NEK5: variants seen among roughly 807,000 people sequenced by gnomAD.
NEK5 encodes the protein NIMA related kinase 5, also known as serine/threonine-protein kinase Nek5.
In NEK5, 88 loss-of-function variants were observed where a neutral mutation model predicts 109.2. That is an observed-to-expected ratio of 0.81 (90% CI 0.68 to 0.96). The LOEUF (loss-of-function observed/expected upper bound fraction) is 0.96, where lower values mean the gene tolerates loss of function less well. Among genes scored for constraint, NEK5 ranks in the 40% least tolerant of loss-of-function variants. NEK5 has a pLI of 0.00. For missense variants in NEK5, 834 were observed against 920.7 expected (o/e 0.91, Z 1.22); for synonymous variants, 283 against 299.9 (o/e 0.94, Z 0.58).
At chr13:52,055,898 G>A (rs374981949) in intron 22 of NEK5, among the ~76,000 whole-genome samples, 10 of 150,938 alleles carry the variant, frequency 6.6e-5, no homozygotes, top group African/African-American at 1.5e-4. Context: ...ACTAACGAGC[G>A]AAATAACCAG....
chr13:52,043,229 A>T (rs927120560), intron 23 of NEK5, among the ~76,000 whole-genome samples: 6 of 151,988 alleles, frequency 3.9e-5, no homozygotes, highest in African/African-American at 1.4e-4. Flanking sequence ...AGGACACTTT[A>T]AAAAAAATCA....
intron 12 of NEK5, among the ~76,000 whole-genome samples, chr13:52,097,482 G>T (rs1955440868): frequency 6.6e-6 from 1 of 152,194 alleles, no homozygotes; most frequent in Admixed American, 6.5e-5. Flanking sequence ...GAGACATGGG[G>T]TCAAAGGAAT....
At chr13:52,079,659 C>T (rs1473747282) in intron 17 of NEK5, among the ~76,000 whole-genome samples, 1 of 152,290 alleles carries the variant, frequency 6.6e-6, no homozygotes, top group African/African-American at 2.4e-5. Flanking sequence ...ACAACCTCCA[C>T]CTCCCACCCG....
chr13:52,052,624 T>C (rs1053763330), intron 22 of NEK5, among the ~76,000 whole-genome samples: 4 of 152,202 alleles, frequency 2.6e-5, no homozygotes, highest in Non-Finnish European at 5.9e-5. Context: ...CCTTCGAGTT[T>C]TGCCTGCTTT....
In NEK5 at chr13:52,035,562, G is replaced by C. The variant is rs1017715327; in HGVS notation, c.*1386C>G. The C allele has an allele frequency of 2.0e-5, 3 of 152,090 alleles. No homozygotes were observed. Among genetic ancestry groups the C allele is most frequent in the African/African-American group, 4.8e-5 (2 of 41,404 alleles). The allele number at this position is 152,090 out of a possible 1,614,324, so 9.4% of individuals were successfully genotyped here. A position where few individuals can be genotyped will look rare whatever the true frequency, so the allele number is the denominator to read the frequency against. ...CCATGTTCAACGTTGGAATTGTTAT[G>C]ATCAATTTTAAAAAGTTAGTTTTCC... is the stretch of plus-strand genomic sequence containing the variant. On this transcript the variant is annotated 3_prime_UTR_variant, in exon 24 of 24. Transcript: ENST00000684899.
At chr13:52,040,170 C>T (rs1461334551) in intron 23 of NEK5, among the ~76,000 whole-genome samples, 3 of 151,546 alleles carry the variant, frequency 2.0e-5, no homozygotes, top group East Asian at 1.9e-4. Context: ...CTGCAACCTC[C>T]GCCTCCCAGG....
At chr13:52,099,410 A>C (rs1022108845) in intron 12 of NEK5, among the ~76,000 whole-genome samples, 6 of 151,712 alleles carry the variant, frequency 4.0e-5, no homozygotes, top group Non-Finnish European at 8.8e-5. Flanking sequence ...CATGGCTCAC[A>C]CCTGTAATCC....
chr13:52,084,756 A>AGTGT (rs1357515123), intron 16 of NEK5, among the ~76,000 whole-genome samples: 44 of 52,252 alleles, frequency 8.4e-4, no homozygotes, highest in East Asian at 3.4e-3. Context: ...AGAGAGAGAG[A>AGTGT]GAGAGAGTGT....
At chr13:52,041,753 ATT>A (rs1954416450) in intron 23 of NEK5, among the ~76,000 whole-genome samples, 1 of 149,130 alleles carries the variant, frequency 6.7e-6, no homozygotes, top group African/African-American at 2.5e-5. Context: ...AAAAAAAAAA[ATT>A]CACCTGGAAA....
chr13:52,042,138 A>G (rs1954419917), intron 23 of NEK5, among the ~76,000 whole-genome samples: 1 of 152,056 alleles, frequency 6.6e-6, no homozygotes, highest in South Asian at 2.1e-4. Context: ...CTAAAATTAT[A>G]TGCCCAGCAA....
At chr13:52,076,179 T>A in intron 17 of NEK5, 36 bp from the exon 18 acceptor site, 1 of 1,139,344 alleles carries the variant, frequency 8.8e-7, no homozygotes, top group Admixed American at 1.9e-5. Flanking sequence ...TCTCTCACTG[T>A]ATGTTTACAT....
Position 52,102,134 on chromosome 13 carries a change from C to CCT in NEK5, c.766_767dup (p.Pro257GlyfsTer4). On this transcript the variant is annotated frameshift_variant, in exon 10 of 24. Transcript: ENST00000684899. LOFTEE classifies it high-confidence loss of function. ...TGGGAATAAGATTCTCTAAAAAGGG[C>CCT]CTTTTCAAAATGGAATTTATGGATG... The CCT allele has an allele frequency of 6.2e-7, 1 of 1,613,950 alleles. No individual in the cohort carries two copies. The highest frequency in any genetic ancestry group is 2.2e-5 in the East Asian group (1 of 44,866).
intron 19 of NEK5, among the ~76,000 whole-genome samples, chr13:52,074,254 A>G (rs547191551): frequency 1.3e-5 from 2 of 152,374 alleles, no homozygotes; most frequent in African/African-American, 4.8e-5. Context: ...TACAGTAATC[A>G]AAACTGTATG....
At chr13:52,100,321 G>T (rs553610567) in intron 11 of NEK5, among the ~76,000 whole-genome samples, 6 of 152,112 alleles carry the variant, frequency 3.9e-5, no homozygotes, top group Non-Finnish European at 8.8e-5. Context: ...CGGTGCAGTG[G>T]CAGGGTCTGA....
At chr13:52,096,074 C>G (rs1955409623) in intron 12 of NEK5, among the ~76,000 whole-genome samples, 1 of 152,140 alleles carries the variant, frequency 6.6e-6, no homozygotes, top group South Asian at 2.1e-4. Flanking sequence ...GAGCCTGCCT[C>G]CCCTTCTGCT....
Position 52,034,881 on chromosome 13 carries a change from C to CTTTTTTTTTTT in NEK5, c.*2056_*2066dup, listed in dbSNP as rs753180867. 2.5e-4 allele frequency: 26 copies of CTTTTTTTTTTT among 102,534 alleles called. No homozygotes were observed. The highest frequency in any genetic ancestry group is 4.1e-4 in the Non-Finnish European group (22 of 53,102). The allele number at this position is 102,534 out of a possible 1,614,324, so 6.4% of individuals were successfully genotyped here. ...ACCATCCTTAAACATTCTTTTTTTT[C>CTTTTTTTTTTT]TTTTTTTTTTTTTTTTTTGCCCTTA... On this transcript the variant is annotated 3_prime_UTR_variant, in exon 24 of 24. Coordinates refer to ENST00000684899, the MANE Select transcript of NEK5 (RefSeq NM_001365552.1).
intron 7 of NEK5, 74 bp from the exon 8 acceptor site, chr13:52,108,478 G>A: frequency 1.1e-6 from 1 of 905,224 alleles, no homozygotes. Flanking sequence ...ACATGGACAT[G>A]CAAGAAAAAA....
At chr13:52,063,739 G>T (rs1380234949) in intron 21 of NEK5, among the ~76,000 whole-genome samples, 10 of 151,572 alleles carry the variant, frequency 6.6e-5, no homozygotes, top group Non-Finnish European at 1.3e-4. Context: ...CGTCTGGGAG[G>T]TGAGGAGCGT....
intron 1 of NEK5, among the ~76,000 whole-genome samples, chr13:52,128,624 G>C (rs74087066): frequency 1.3e-5 from 2 of 152,078 alleles, no homozygotes; most frequent in Non-Finnish European, 1.5e-5. Flanking sequence ...GCAGCCAGGA[G>C]AGGCTGCAGA....
Sources: allele counts gnomAD v4.1 joint callset (sites outside exome capture counted in the v4.1 genomes callset), GRCh38; gene constraint gnomAD v4.1.1; transcripts MANE v1.5; gene names NCBI Gene and HGNC (gene_info 2026-07-23, HGNC 2026-07-21).